The following DYM variants were observed in gnomAD, a reference collection of about 807,000 sequenced individuals.
DYM encodes the protein dymeclin, also known as dyggve-Melchior-Clausen syndrome protein.
DYM carries 78 observed loss-of-function variants against 93.1 expected under a neutral mutation model. That is an observed-to-expected ratio of 0.84 (90% CI 0.70 to 1.01). The LOEUF (loss-of-function observed/expected upper bound fraction) is 1.01, where lower values mean the gene tolerates loss of function less well. Ranked by LOEUF, DYM falls within the 50% of genes least tolerant of loss-of-function variation. The pLI is 0.00. For synonymous variants in DYM, 321 were observed against 319.7 expected (o/e 1.00, Z -0.04); for missense variants, 789 against 845.0 (o/e 0.93, Z 0.82).
chr18:49,047,046 C>G (rs2071684123), intron 17 of DYM, among the ~76,000 whole-genome samples: 1 of 152,162 alleles, frequency 6.6e-6, no homozygotes, highest in Non-Finnish European at 1.5e-5. Flanking sequence ...ACATCTTGAA[C>G]AAGTGTGTAA....
At chr18:49,251,756 G>C (rs983532413) in intron 13 of DYM, among the ~76,000 whole-genome samples, 2 of 152,168 alleles carry the variant, frequency 1.3e-5, no homozygotes, top group Admixed American at 6.5e-5. Context: ...AGATTCCATA[G>C]GTAGTAAAGT....
intron 14 of DYM, among the ~76,000 whole-genome samples, chr18:49,164,867 A>T (rs1016840923): frequency 6.6e-6 from 1 of 152,186 alleles, no homozygotes; most frequent in Admixed American, 6.6e-5. Context: ...TAGAGTGCAA[A>T]TTACTTTATT....
intron 11 of DYM, among the ~76,000 whole-genome samples, chr18:49,268,588 T>C (rs1484167234): frequency 6.6e-6 from 1 of 152,178 alleles, no homozygotes; most frequent in Non-Finnish European, 1.5e-5. Context: ...AAAACTAACA[T>C]TTTGTCATGT....
chr18:49,237,896 CCTTA>C (rs1294093463), intron 13 of DYM, among the ~76,000 whole-genome samples: 1 of 149,684 alleles, frequency 6.7e-6, no homozygotes, highest in African/African-American at 2.5e-5. Context: ...TCCATCAGTA[CCTTA>C]CTCTTTTTTT....
chr18:49,450,756 G>T (rs1007207764), intron 1 of DYM, among the ~76,000 whole-genome samples: 3 of 152,184 alleles, frequency 2.0e-5, no homozygotes, highest in Non-Finnish European at 4.4e-5. Flanking sequence ...AAATTCTAAT[G>T]TCTAAGTATA....
chr18:49,146,699 T>C (rs1050864415), intron 15 of DYM, among the ~76,000 whole-genome samples: 4 of 152,088 alleles, frequency 2.6e-5, no homozygotes, highest in African/African-American at 9.7e-5. Context: ...TAAAAGAGGA[T>C]ACAAACAAAT....
At chr18:49,295,351 C>T (rs1015507371) in intron 8 of DYM, among the ~76,000 whole-genome samples, 40 of 152,122 alleles carry the variant, frequency 2.6e-4, no homozygotes, top group African/African-American at 9.4e-4. Flanking sequence ...GACTACATTT[C>T]CCAGTCTTTC....
At chr18:49,047,001 C>A (rs2071676467) in intron 17 of DYM, among the ~76,000 whole-genome samples, 1 of 152,166 alleles carries the variant, frequency 6.6e-6, no homozygotes, top group Admixed American at 6.5e-5. Flanking sequence ...CAGAGAGGAG[C>A]AGAGTGAAGC....
intron 15 of DYM, among the ~76,000 whole-genome samples, chr18:49,136,850 T>C (rs1306929732): frequency 6.6e-6 from 1 of 152,284 alleles, no homozygotes; most frequent in Admixed American, 6.5e-5. Context: ...TTTCTTCTAT[T>C]GCATTTCTTT....
chr18:49,435,374 G>C (rs1260059293), intron 1 of DYM, among the ~76,000 whole-genome samples: 1 of 149,246 alleles, frequency 6.7e-6, no homozygotes, highest in African/African-American at 2.5e-5. Flanking sequence ...AGCAATCTTG[G>C]ATTGCTTGTA....
chr18:49,200,697 A>G (rs1487756890), intron 14 of DYM, among the ~76,000 whole-genome samples: 1 of 152,104 alleles, frequency 6.6e-6, no homozygotes, highest in Non-Finnish European at 1.5e-5. Flanking sequence ...TACTTCTAGC[A>G]TATTTCTTTA....
chr18:49,430,847 T>A (rs1428095689), intron 1 of DYM, among the ~76,000 whole-genome samples: 1 of 148,422 alleles, frequency 6.7e-6, no homozygotes, highest in African/African-American at 2.5e-5. Context: ...ATCGCGCCAC[T>A]GCACTCCAGC....
intron 13 of DYM, among the ~76,000 whole-genome samples, chr18:49,247,610 A>G (rs1296422768): frequency 6.6e-6 from 1 of 152,218 alleles, no homozygotes; most frequent in Non-Finnish European, 1.5e-5. Context: ...TTTGTCCACA[A>G]AGGTCTTTAC....
At chr18:49,329,590 C>A (rs2063169783) in intron 8 of DYM, 1 of 152,154 alleles carries the variant, frequency 6.6e-6, no homozygotes, top group Non-Finnish European at 1.5e-5. Flanking sequence ...ATAGGAGGGT[C>A]CAAGCAAGTG....
chr18:49,321,234 G>T (rs916011830), intron 8 of DYM: 5 of 395,522 alleles, frequency 1.3e-5, no homozygotes, highest in African/African-American at 1.0e-4. Flanking sequence ...CAAATAAATG[G>T]CACTTGTAGC....
intron 15 of DYM, among the ~76,000 whole-genome samples, chr18:49,160,658 A>C (rs2086998686): frequency 6.6e-6 from 1 of 152,046 alleles, no homozygotes; most frequent in Non-Finnish European, 1.5e-5. Flanking sequence ...TCTTTTACCA[A>C]CAAGTGGTTT....
At chr18:49,289,727 G>GTGTATA (rs1555678602) in intron 8 of DYM, among the ~76,000 whole-genome samples, 95 of 85,020 alleles carry the variant, frequency 1.1e-3, no homozygotes, top group African/African-American at 1.4e-3. Flanking sequence ...ATATATATGT[G>GTGTATA]TATATATATA....
rs767255316 is a variant in DYM at position 49,378,643 on chromosome 18, T to C, written c.345A>G (p.Lys115=). ...NALFIICCLL[K]VFICQMSEEE... ...CCTCTGACATCTGACAGATGAACAC[T>C]TTCAGCAAACAGCAAATAATAAACA... Residue 115 remains lysine (K), a synonymous_variant, in exon 5 of 18, where the codon AAA becomes AAG. Transcript: ENST00000675505. 4.3e-6 allele frequency: 7 copies of C among 1,613,306 alleles called. No homozygotes were observed. Among genetic ancestry groups the C allele is most frequent in the Middle Eastern group, 1.6e-4 (1 of 6,074 alleles).
chr18:49,337,682 C>A (rs2063773615), intron 6 of DYM, among the ~76,000 whole-genome samples: 3 of 152,110 alleles, frequency 2.0e-5, no homozygotes, highest in South Asian at 2.1e-4. Flanking sequence ...AGTGAAGAGT[C>A]AGCGGAATAA....
Sources: gnomAD v4.1 joint callset for allele counts (sites outside exome capture counted in the v4.1 genomes callset) on GRCh38, gnomAD v4.1.1 for gene constraint, MANE v1.5 for transcripts, NCBI Gene and HGNC (gene_info 2026-07-23, HGNC 2026-07-21) for gene names.